Variants in PRSS38 observed in about 807,000 individuals in gnomAD.
PRSS38 encodes serine protease 38, also known as marapsin 2.
Under a neutral mutation model 26.8 loss-of-function variants are expected in PRSS38, and 22 were observed. The observed-to-expected ratio is 0.82, with a 90% CI of 0.59 to 1.17. PRSS38 has a LOEUF of 1.17. PRSS38 is among the 50% of genes most tolerant of loss of function. PRSS38 has a pLI of 0.00. For synonymous variants in PRSS38, 175 were observed against 172.1 expected (o/e 1.02, Z -0.13); for missense variants, 427 against 422.7 (o/e 1.01, Z -0.09).
chr1:227,839,738 C>T (rs12567117), intron 3 of PRSS38, among the ~76,000 whole-genome samples: 22,012 of 151,980 alleles, frequency 0.14, 2,839 homozygotes, highest in African/African-American at 0.35. Flanking sequence ...GTAACACTTC[C>T]TAAATGTCAT....
At chr1:227,845,845 C>A in intron 4 of PRSS38, 109 bp from the exon 5 acceptor site, 1 of 1,459,566 alleles carries the variant, frequency 6.9e-7, no homozygotes, top group South Asian at 1.3e-5. Flanking sequence ...GGGCACTGGC[C>A]CCTTCCAGCA....
chr1:227,827,226 C>A (rs1195227566), intron 3 of PRSS38, among the ~76,000 whole-genome samples: 1 of 152,138 alleles, frequency 6.6e-6, no homozygotes, highest in Non-Finnish European at 1.5e-5. Context: ...TTCCTCCTTT[C>A]AATTTTTTGT....
intron 3 of PRSS38, among the ~76,000 whole-genome samples, chr1:227,830,869 A>G (rs1226679521): frequency 2.6e-5 from 4 of 151,986 alleles, no homozygotes; most frequent in Non-Finnish European, 5.9e-5. Context: ...TTTAATTTCT[A>G]AAAGGATAGT....
rs963373551 is a variant in PRSS38, at chr1:227,816,581, A to G, written c.311+329A>G. On this transcript the variant is annotated intron_variant, in intron 2 of 4. Transcript: ENST00000366757. This position sits in a 1 kb window ranked among gnomAD's most constrained non-coding sequence, Gnocchi z 5.1. Reference sequence around the variant, plus strand: ...ATGAGCTAGGTTGGTCCTCAAATGCACAGCCTGGTCCCCATGTGCAAGGCT... The same window carrying G: ...ATGAGCTAGGTTGGTCCTCAAATGCGCAGCCTGGTCCCCATGTGCAAGGCT... Among the ~76,000 whole-genome samples, 3 of 151,688 alleles carry G rather than the reference A, an allele frequency of 2.0e-5. No homozygotes were observed. Among genetic ancestry groups the G allele is most frequent in the African/African-American group, 7.3e-5 (3 of 41,200 alleles).
chr1:227,835,839 T>C (rs777763713), intron 3 of PRSS38, among the ~76,000 whole-genome samples: 15 of 152,164 alleles, frequency 9.9e-5, no homozygotes, highest in Non-Finnish European at 1.8e-4. Context: ...TGTTTTGGAA[T>C]TAGAAGGTGA....
intron 3 of PRSS38, among the ~76,000 whole-genome samples, chr1:227,838,040 G>A (rs1374870707): frequency 2.0e-5 from 3 of 152,130 alleles, no homozygotes; most frequent in South Asian, 2.1e-4. Context: ...ACAGTCGTGA[G>A]CCATTGCACC....
At chr1:227,830,590 C>T (rs1269125860) in intron 3 of PRSS38, among the ~76,000 whole-genome samples, 1 of 150,902 alleles carries the variant, frequency 6.6e-6, no homozygotes, top group African/African-American at 2.4e-5. Context: ...CAACCTCCGC[C>T]TCTGGGTTCA....
Position 227,817,274 on chromosome 1 carries a change from A to T in PRSS38, c.377A>T (p.His126Leu), listed in dbSNP as rs111941215. Residue 126 changes from histidine (H) to leucine (L), a missense_variant, in exon 3 of 5, where the codon CAC becomes CTC. By Grantham distance (99) the His-to-Leu change is moderately conservative (BLOSUM62 -3). Transcript: ENST00000366757. The stretch of plus-strand genomic sequence containing the variant: ...GTAAACCTCAGGGTGGCCGGCAACC[A>T]CACCCAGTGGTATGAGGTGAACAGG... 3,537 of 1,614,112 alleles carry T rather than the reference A, an allele frequency of 2.2e-3. 60 individuals carry two copies. In the African/African-American group the frequency reaches 0.038, roughly 17 times the overall value.
intron 3 of PRSS38, among the ~76,000 whole-genome samples, chr1:227,831,030 A>G (rs1459816644): frequency 1.3e-5 from 2 of 151,728 alleles, no homozygotes; most frequent in Non-Finnish European, 2.9e-5. Context: ...TTTCTATTTC[A>G]TTGATTTCCA....
intron 3 of PRSS38, among the ~76,000 whole-genome samples, chr1:227,843,594 T>A (rs1045466647): frequency 1.3e-5 from 2 of 151,512 alleles, no homozygotes; most frequent in Non-Finnish European, 2.9e-5. Context: ...CCCAGCTACT[T>A]GGGAGTCTGA....
intron 3 of PRSS38, among the ~76,000 whole-genome samples, chr1:227,823,910 T>C (rs1665035124): frequency 6.6e-6 from 1 of 152,212 alleles, no homozygotes; most frequent in Admixed American, 6.5e-5. Flanking sequence ...AGTGCTGCAA[T>C]AAACATGTGA....
In PRSS38 at chr1:227,836,603, C is replaced by T. The variant is rs1239075968; in HGVS notation, c.584-8867C>T. Among the ~76,000 whole-genome samples, 2 of 9,014 alleles carry T rather than the reference C, an allele frequency of 2.2e-4. 1 individual carries two copies. Among genetic ancestry groups the T allele is most frequent in the Non-Finnish European group, 7.1e-4 (2 of 2,814 alleles). 5.9% of individuals were successfully genotyped at this position (9,014 alleles called of 152,430 possible). A position where few individuals can be genotyped will look rare whatever the true frequency, so the allele number is the denominator to read the frequency against. On this transcript the variant is annotated intron_variant, in intron 3 of 4. Transcript: ENST00000366757. ...TTGGGAGGCTGAGGCAGGAGAATGG[C>T]GTGAACCCGGGAGGCGGAGCTTGCA...
exon 3 of PRSS38, chr1:227,817,218 T>C (rs1297745199): frequency 1.2e-6 from 2 of 1,612,870 alleles, no homozygotes; most frequent in Non-Finnish European, 1.7e-6. Context: ...GGGACAAGAA[T>C]ATCAAAATCT....
At position 227,826,339 on chromosome 1, in the gene PRSS38, T is replaced by C. The variant is rs117260868; in HGVS notation, c.583+8859T>C. Among the ~76,000 whole-genome samples, 3 of 152,332 alleles carry C rather than the reference T, an allele frequency of 2.0e-5. 1 individual carries two copies. The highest frequency in any genetic ancestry group is 3.9e-4 in the East Asian group (2 of 5,182). On this transcript the variant is annotated intron_variant, in intron 3 of 4. Coordinates refer to ENST00000366757, the Ensembl canonical transcript of PRSS38. ...GTGTCATCTGCAAAGATAATTTGAC[T>C]ACTTCTCTTCCTATTTGAACACCGT...
At position 227,846,094 on chromosome 1, in the gene PRSS38, T is replaced by A; in HGVS notation, c.867T>A (p.Cys289Ter). The change falls in exon 5 of 5, where the codon TGT (cysteine) becomes TGA (stop). Residue 289 changes from cysteine to a stop codon, truncating the protein, a stop_gained. Transcript: ENST00000366757. LOFTEE classifies it low-confidence loss of function (END_TRUNC). ...TTTCCTATTTCTCAAAATGGATATG[T>A]GATAACATAGAAATCACGCCCACTC... is the stretch of plus-strand genomic sequence containing the variant. 3 of 1,614,232 alleles carry A rather than the reference T, an allele frequency of 1.9e-6. No homozygotes were observed. Among genetic ancestry groups the A allele is most frequent in the Non-Finnish European group, 2.5e-6 (3 of 1,180,048 alleles).
At chr1:227,819,873 A>C (rs568353603) in intron 3 of PRSS38, among the ~76,000 whole-genome samples, 34 of 152,148 alleles carry the variant, frequency 2.2e-4, no homozygotes, top group Non-Finnish European at 4.7e-4. Context: ...GGCGGTTCAC[A>C]AGGTCAAGAG....
exon 5 of PRSS38, chr1:227,846,103 A>G: frequency 6.2e-7 from 1 of 1,614,224 alleles, no homozygotes; most frequent in Non-Finnish European, 8.5e-7. Flanking sequence ...GTGATAACAT[A>G]GAAATCACGC....
intron 3 of PRSS38, among the ~76,000 whole-genome samples, chr1:227,833,315 G>T (rs796112935): frequency 8.5e-5 from 13 of 152,244 alleles, no homozygotes; most frequent in African/African-American, 3.1e-4. Flanking sequence ...ATCACCTGAG[G>T]TCAGGAGTTT....
At chr1:227,818,135 T>G (rs1664949240) in intron 3 of PRSS38, among the ~76,000 whole-genome samples, 2 of 152,212 alleles carry the variant, frequency 1.3e-5, no homozygotes, top group South Asian at 4.1e-4. Flanking sequence ...GAACCTCCAG[T>G]AGAAATGATG....
Sources: gnomAD v4.1 joint callset for allele counts (sites outside exome capture counted in the v4.1 genomes callset) on GRCh38, gnomAD v4.1.1 for gene constraint, Gnocchi (gnomAD v3.1) non-coding constraint, MANE v1.5 for transcripts, NCBI Gene and HGNC (gene_info 2026-07-23, HGNC 2026-07-21) for gene names.